B4GALT1: variants seen among roughly 807,000 people sequenced by gnomAD.
The protein encoded by B4GALT1 is beta-1,4-galactosyltransferase 1, also known as N-acetyllactosamine synthase.
In B4GALT1, 16 loss-of-function variants were observed where a neutral mutation model predicts 34.9. That is an observed-to-expected ratio of 0.46 (90% CI 0.31 to 0.70). B4GALT1 has a LOEUF of 0.70. Among genes scored for constraint, B4GALT1 ranks in the 30% least tolerant of loss-of-function variants. The pLI, the probability that B4GALT1 is intolerant of heterozygous loss-of-function variation, is 0.05. For missense variants in B4GALT1, 445 were observed against 530.5 expected, an observed-to-expected ratio of 0.84 and a Z score of 1.58; for synonymous variants, 221 against 218.1, an observed-to-expected ratio of 1.01 and a Z score of -0.12.
the B4GALT1 span, among the ~76,000 whole-genome samples, chr9:33,184,826 C>T: frequency 2.6e-5 from 4 of 152,196 alleles, no homozygotes; most frequent in Non-Finnish European, 5.9e-5. Context: ...AATAGCTTCC[C>T]ACAATTATCC....
In B4GALT1 at chr9:33,122,039, A is replaced by C. The variant is rs1391629726; in HGVS notation, c.649-1433T>G. 2.0e-5 allele frequency among the ~76,000 whole-genome samples: 3 copies of C among 152,188 alleles called. No homozygotes were observed. In the East Asian group the frequency reaches 5.8e-4, roughly 29 times the overall value. On this transcript the variant is annotated intron_variant, in intron 2 of 5. Transcript: ENST00000379731. ...TGTTATCCTAACCAGAATCTTCACA[A>C]CACCAACATGAGGAAACGAACTAAG...
chr9:33,147,489 T>G (rs1182938680), intron 1 of B4GALT1, among the ~76,000 whole-genome samples: 1 of 151,962 alleles, frequency 6.6e-6, no homozygotes, highest in African/African-American at 2.4e-5. Context: ...TCGGGTGATC[T>G]GCCCACCTCG....
At chr9:33,120,341 G>T in intron 3 of B4GALT1, 78 bp downstream of exon 3, 6 of 1,534,268 alleles carry the variant, frequency 3.9e-6, no homozygotes, top group Non-Finnish European at 5.4e-6. Context: ...AGGCACTCTT[G>T]AGCTGCCAGG....
At chr9:33,166,713 C>T in intron 1 of B4GALT1, 45 bp downstream of exon 1, 2 of 1,474,676 alleles carry the variant, frequency 1.4e-6, no homozygotes, top group Admixed American at 2.5e-5. Context: ...CGGGGAAATC[C>T]GGGGGGGTCC....
upstream of B4GALT1, among the ~76,000 whole-genome samples, chr9:33,167,594 C>G (rs1328915017): frequency 2.0e-5 from 3 of 152,242 alleles, no homozygotes; most frequent in Non-Finnish European, 4.4e-5. Context: ...GGCGGAGCTT[C>G]GGTCGCGTTG....
intron 2 of B4GALT1, among the ~76,000 whole-genome samples, chr9:33,125,064 C>G (rs1840071374): frequency 6.6e-6 from 1 of 152,170 alleles, no homozygotes; most frequent in South Asian, 2.1e-4. Context: ...GGTCAACTGG[C>G]TGCTTTTAGA....
At chr9:33,157,063 TACACACACACACACACACAC>T (rs371027641) in intron 1 of B4GALT1, among the ~76,000 whole-genome samples, 4 of 87,280 alleles carry the variant, frequency 4.6e-5, no homozygotes, top group African/African-American at 1.9e-4. Flanking sequence ...CATAGGGAAC[TACACACACACACACACACAC>T]ACACACACAC....
chr9:33,156,533 G>A (rs1840596568), intron 1 of B4GALT1, among the ~76,000 whole-genome samples: 2 of 152,212 alleles, frequency 1.3e-5, no homozygotes, highest in Non-Finnish European at 2.9e-5. Flanking sequence ...GTCTACAAAA[G>A]ATGCAGGCAC....
chr9:33,144,605 C>G lies in B4GALT1; in HGVS notation c.413-9181G>C, dbSNP rs118125292. 8.0e-3 allele frequency among the ~76,000 whole-genome samples: 1,217 copies of G among 152,256 alleles called. 10 individuals are homozygous for G. Among genetic ancestry groups the G allele is most frequent in the Non-Finnish European group, 0.012 (805 of 68,024 alleles). The stretch of plus-strand genomic sequence containing the variant: ...TATGGTATATGTTCTTATAAGCCAC[C>G]TCAAAAACTTCAGGAAACAGGTAAA... On this transcript the variant is annotated intron_variant, in intron 1 of 5. Transcript: ENST00000379731.
the B4GALT1 span, among the ~76,000 whole-genome samples, chr9:33,176,683 G>T: frequency 5.3e-5 from 8 of 152,302 alleles, no homozygotes; most frequent in South Asian, 6.2e-4. Flanking sequence ...GGTGGGAACA[G>T]TAGACACTGG....
chr9:33,161,863 A>G (rs1171455892), intron 1 of B4GALT1, among the ~76,000 whole-genome samples: 1 of 152,212 alleles, frequency 6.6e-6, no homozygotes, highest in African/African-American at 2.4e-5. Flanking sequence ...GGCACTGGGT[A>G]AACAGATAGC....
At chr9:33,158,742 C>T (rs1158145763) in intron 1 of B4GALT1, among the ~76,000 whole-genome samples, 1 of 152,206 alleles carries the variant, frequency 6.6e-6, no homozygotes, top group Admixed American at 6.5e-5. Context: ...CTCCTCAGTA[C>T]CCTCAAAGCA....
intron 3 of B4GALT1, among the ~76,000 whole-genome samples, chr9:33,118,285 C>T (rs1201925942): frequency 1.3e-5 from 2 of 152,124 alleles, no homozygotes; most frequent in Admixed American, 1.3e-4. Flanking sequence ...TCATACATTC[C>T]TATATTCCCA....
downstream of B4GALT1, among the ~76,000 whole-genome samples, chr9:33,108,300 T>C (rs1041238656): frequency 6.6e-6 from 1 of 151,686 alleles, no homozygotes; most frequent in Non-Finnish European, 1.5e-5. Context: ...TCCCTGTCTC[T>C]AAAAAACAAA....
intron 1 of B4GALT1, among the ~76,000 whole-genome samples, chr9:33,154,851 A>G (rs2118267469): frequency 6.6e-6 from 1 of 151,850 alleles, no homozygotes; most frequent in Admixed American, 6.5e-5. Flanking sequence ...TTTTTTTTTA[A>G]CCTCATCGGC....
chr9:33,175,175 A>G, the B4GALT1 span, among the ~76,000 whole-genome samples: 1 of 149,808 alleles, frequency 6.7e-6, no homozygotes, highest in Admixed American at 6.7e-5. Context: ...TTATCTGGAC[A>G]TGGTGGTGCA....
chr9:33,167,343 A>G (rs1324123508), upstream of B4GALT1: 3 of 848,452 alleles, frequency 3.5e-6, no homozygotes, highest in East Asian at 3.4e-5. Context: ...GAGCGGCGAG[A>G]AGCCGCCCGA....
At chr9:33,172,858 T>C in the B4GALT1 span, among the ~76,000 whole-genome samples, 1 of 147,624 alleles carries the variant, frequency 6.8e-6, no homozygotes, top group Admixed American at 6.9e-5. Flanking sequence ...AAAAAGTCAC[T>C]AGGTAGGGTT....
intron 1 of B4GALT1, among the ~76,000 whole-genome samples, chr9:33,162,442 A>T (rs1262447587): frequency 1.3e-5 from 2 of 152,206 alleles, no homozygotes; most frequent in East Asian, 3.8e-4. Context: ...GCCCAGCATA[A>T]TACAGGAACA....
Sources: allele counts gnomAD v4.1 joint callset (sites outside exome capture counted in the v4.1 genomes callset), GRCh38; gene constraint gnomAD v4.1.1; transcripts MANE v1.5; gene names NCBI Gene and HGNC (gene_info 2026-07-23, HGNC 2026-07-21).